LRP1B: variants seen among roughly 807,000 people sequenced by gnomAD.
LRP1B encodes the protein low-density lipoprotein receptor-related protein 1B.
A neutral mutation model predicts 556.6 loss-of-function variants in LRP1B; 217 were observed. The ratio of observed to expected loss-of-function variants is 0.39; its 90% CI spans 0.35 to 0.44. LRP1B has a LOEUF of 0.44. Among genes scored for constraint, LRP1B ranks in the 20% least tolerant of loss-of-function variants. The pLI, the probability that LRP1B is intolerant of heterozygous loss-of-function variation, is 1.00. For missense variants in LRP1B, 5,053 were observed against 5,620.8 expected, an observed-to-expected ratio of 0.90 and a Z score of 3.23; for synonymous variants, 2,047 against 1,865.8, an observed-to-expected ratio of 1.10 and a Z score of -2.50.
intron 1 of LRP1B, among the ~76,000 whole-genome samples, chr2:142,048,274 T>G (rs1704327603): frequency 6.6e-6 from 1 of 152,082 alleles, no homozygotes; most frequent in South Asian, 2.1e-4. Context: ...TATGCCATCT[T>G]GTACATACTT....
chr2:141,926,814 C>T (rs767518334), intron 1 of LRP1B, among the ~76,000 whole-genome samples: 3 of 152,072 alleles, frequency 2.0e-5, no homozygotes, highest in African/African-American at 4.8e-5. Context: ...TTAACCACAA[C>T]GTTGTCAATA....
chr2:140,926,065 T>C (rs953760017), intron 20 of LRP1B, among the ~76,000 whole-genome samples: 15 of 151,472 alleles, frequency 9.9e-5, no homozygotes, highest in Non-Finnish European at 2.2e-4. Flanking sequence ...TCTTTTTTTT[T>C]TTTTTTTTCT....
chr2:141,180,356 A>AAAC (rs1680937176), intron 7 of LRP1B, among the ~76,000 whole-genome samples: 1 of 151,662 alleles, frequency 6.6e-6, no homozygotes, highest in Non-Finnish European at 1.5e-5. Context: ...ATAAAAAAAA[A>AAAC]AACAACTAGA....
At chr2:142,054,319 C>A (rs187817143) in intron 1 of LRP1B, among the ~76,000 whole-genome samples, 23 of 152,184 alleles carry the variant, frequency 1.5e-4, no homozygotes, top group African/African-American at 5.5e-4. Flanking sequence ...TTTAAATCTG[C>A]AGAGGAACCT....
At chr2:140,304,990 G>C (rs747077664) in intron 83 of LRP1B, among the ~76,000 whole-genome samples, 1 of 151,950 alleles carries the variant, frequency 6.6e-6, no homozygotes, top group Non-Finnish European at 1.5e-5. Flanking sequence ...ATTTCTGAGG[G>C]CTCTGTTCTG....
At chr2:140,604,599 T>C (rs1471857976) in intron 41 of LRP1B, among the ~76,000 whole-genome samples, 1 of 152,052 alleles carries the variant, frequency 6.6e-6, no homozygotes, top group Non-Finnish European at 1.5e-5. Context: ...GCTTACCAAA[T>C]GGGAAAGGCA....
intron 1 of LRP1B, among the ~76,000 whole-genome samples, chr2:142,003,686 A>G (rs1267899469): frequency 1.3e-5 from 2 of 151,634 alleles, no homozygotes; most frequent in East Asian, 1.9e-4. Flanking sequence ...ACGAGGGTAG[A>G]TGTACAAACT....
At chr2:141,910,423 A>G (rs891753757) in intron 1 of LRP1B, among the ~76,000 whole-genome samples, 3 of 152,152 alleles carry the variant, frequency 2.0e-5, no homozygotes, top group African/African-American at 7.2e-5. Context: ...ACTATCAGAT[A>G]TAGAGTTTGT....
At chr2:140,297,733 G>T (rs1683665570) in intron 84 of LRP1B, 75 bp downstream of exon 84, 1 of 1,447,362 alleles carries the variant, frequency 6.9e-7, no homozygotes, top group Non-Finnish European at 9.3e-7. Context: ...TTAAGATAAT[G>T]GAAGGAGTGG....
At chr2:141,224,461 A>G (rs529762568) in intron 6 of LRP1B, among the ~76,000 whole-genome samples, 12 of 152,292 alleles carry the variant, frequency 7.9e-5, no homozygotes, top group African/African-American at 2.9e-4. Flanking sequence ...ATACCATTTG[A>G]CCCGGCAATC....
chr2:141,090,975 A>G (rs1489889953), intron 7 of LRP1B, among the ~76,000 whole-genome samples: 1 of 152,200 alleles, frequency 6.6e-6, no homozygotes, highest in African/African-American at 2.4e-5. Context: ...TATTATTTCT[A>G]GTTTCTGATA....
chr2:141,960,773 T>C (rs1205436711), intron 1 of LRP1B, among the ~76,000 whole-genome samples: 3 of 151,850 alleles, frequency 2.0e-5, no homozygotes, highest in Non-Finnish European at 4.4e-5. Context: ...TTCTATACAT[T>C]AAATAAAACA....
chr2:140,507,060 C>T (rs1482798892), intron 52 of LRP1B, 142 bp from the exon 53 acceptor site: 5 of 692,182 alleles, frequency 7.2e-6, no homozygotes, highest in South Asian at 2.2e-5. Flanking sequence ...ATATTCAATA[C>T]ATCAGATAAG....
intron 7 of LRP1B, among the ~76,000 whole-genome samples, chr2:141,111,264 G>A (rs1357487846): frequency 6.6e-6 from 1 of 151,982 alleles, no homozygotes; most frequent in Non-Finnish European, 1.5e-5. Context: ...TGTATACTGT[G>A]CCTGTACAAA....
rs1553456128 is a variant in LRP1B at position 141,074,589 on chromosome 2, CTA to C, written c.1014-12318_1014-12317del. On this transcript the variant is annotated intron_variant, in intron 7 of 90. Coordinates refer to ENST00000389484, the MANE Select transcript of LRP1B (RefSeq NM_018557.3). ...TCTCTGTCTCTCTCTCTCTCTCTCT[CTA>C]TATATATATATATATGTTTTTTATA... is the stretch of plus-strand genomic sequence containing the variant. Among the ~76,000 whole-genome samples the C allele has an allele frequency of 6.7e-3, 920 of 136,470 alleles. 8 individuals carry two copies. Among genetic ancestry groups the C allele is most frequent in the African/African-American group, 0.02 (753 of 36,994 alleles). The allele number at this position is 136,470 out of a possible 152,430, so 89.5% of individuals were successfully genotyped here.
chr2:141,706,923 G>A (rs1692163804), intron 2 of LRP1B, among the ~76,000 whole-genome samples: 1 of 151,994 alleles, frequency 6.6e-6, no homozygotes, highest in Non-Finnish European at 1.5e-5. Flanking sequence ...AAAAAGCCAT[G>A]TTATCACCAG....
chr2:141,969,428 G>A lies in LRP1B; in HGVS notation c.83-159027C>T, dbSNP rs922168955. Among the ~76,000 whole-genome samples the A allele has an allele frequency of 5.3e-5, 8 of 151,130 alleles. No individual in the cohort carries two copies. In the East Asian group the frequency reaches 7.8e-4, roughly 15 times the overall value. ...TTCTTTCACCTGACCCCCACCTCCC[G>A]CCACCCTCTTGTAACCATTATTCTA... On this transcript the variant is annotated intron_variant, in intron 1 of 90. Coordinates refer to ENST00000389484, the MANE Select transcript of LRP1B (RefSeq NM_018557.3).
chr2:141,225,494 C>T (rs1434378980), intron 6 of LRP1B, among the ~76,000 whole-genome samples: 1 of 152,004 alleles, frequency 6.6e-6, no homozygotes, highest in East Asian at 1.9e-4. Context: ...TATCTGTGTC[C>T]TTACCACAGT....
intron 20 of LRP1B, among the ~76,000 whole-genome samples, chr2:140,925,351 A>C (rs1235658246): frequency 6.6e-6 from 1 of 152,148 alleles, no homozygotes; most frequent in Non-Finnish European, 1.5e-5. Flanking sequence ...TTCAGGAAGA[A>C]GAAAAGAGAC....
Sources: allele counts gnomAD v4.1 joint callset (sites outside exome capture counted in the v4.1 genomes callset), GRCh38; gene constraint gnomAD v4.1.1; transcripts MANE v1.5; gene names NCBI Gene and HGNC (gene_info 2026-07-23, HGNC 2026-07-21).